The following CD163L1 variants were observed in gnomAD, a reference collection of about 807,000 sequenced individuals.
CD163L1 encodes scavenger receptor cysteine-rich type 1 protein M160.
CD163L1 carries 124 observed loss-of-function variants against 165.4 expected under a neutral mutation model. The ratio of observed to expected loss-of-function variants is 0.75; its 90% confidence interval spans 0.65 to 0.87. The LOEUF (loss-of-function observed/expected upper bound fraction) is 0.87, where lower values mean the gene tolerates loss of function less well. Among genes scored for constraint, CD163L1 ranks in the 40% least tolerant of loss-of-function variants. The pLI is 0.00. For missense variants in CD163L1, 1,525 were observed against 1,799.9 expected (o/e 0.85, Z 2.76); for synonymous variants, 585 against 662.2 (o/e 0.88, Z 1.79).
chr12:7,325,627 A>G, the CD163L1 span, among the ~76,000 whole-genome samples: 1 of 152,210 alleles, frequency 6.6e-6, no homozygotes, highest in Non-Finnish European at 1.5e-5. Context: ...AGCCTGGACA[A>G]CAGAGACAGA....
chr12:7,329,148 A>C, the CD163L1 span, among the ~76,000 whole-genome samples: 1 of 148,702 alleles, frequency 6.7e-6, no homozygotes, highest in Non-Finnish European at 1.5e-5. Context: ...ATACATATAC[A>C]TATATATACA....
downstream of CD163L1, among the ~76,000 whole-genome samples, chr12:7,343,926 A>C (rs2136357975): frequency 6.6e-6 from 1 of 152,298 alleles, no homozygotes; most frequent in East Asian, 1.9e-4. Context: ...CTACATATGA[A>C]CCTATGAAAT....
chr12:7,327,140 G>A, the CD163L1 span: 1 of 1,543,234 alleles, frequency 6.5e-7, no homozygotes, highest in Non-Finnish European at 8.7e-7. Flanking sequence ...TACCAAACTA[G>A]GGTCTAAGCT....
the CD163L1 span, chr12:7,322,577 G>A: frequency 3.8e-6 from 6 of 1,574,340 alleles, no homozygotes; most frequent in Non-Finnish European, 5.2e-6. Flanking sequence ...AGTATATGTG[G>A]GGGCCTTTCT....
Position 7,375,834 on chromosome 12 carries a change from C to G in CD163L1, c.2552G>C (p.Gly851Ala). 1 of 1,614,220 alleles carries G rather than the reference C, an allele frequency of 6.2e-7. No individual in the cohort carries two copies. Among genetic ancestry groups the G allele is most frequent in the Non-Finnish European group, 8.5e-7 (1 of 1,180,042 alleles). Reference sequence around the variant, plus strand: ...GGCCCAAGTTAGACCATTCCCTTTTCCAAAGTGATCTCCCACAGAAAGAGA... The same window carrying G: ...GGCCCAAGTTAGACCATTCCCTTTTGCAAAGTGATCTCCCACAGAAAGAGA... ...AISLSVGDHF[G>A]KGNGLTWAEK... Residue 851 changes from glycine to alanine, a missense_variant, in exon 10 of 20, where the codon GGA becomes GCA. By Grantham distance (60) the Gly-to-Ala change is moderately conservative. Coordinates refer to ENST00000313599, the MANE Select transcript of CD163L1 (RefSeq NM_174941.6).
the CD163L1 span, chr12:7,320,645 A>G: frequency 3.5e-5 from 42 of 1,207,972 alleles, no homozygotes; most frequent in Non-Finnish European, 4.6e-5. Flanking sequence ...ATGGAAGAAA[A>G]TAACAGGGTG....
intron 4 of CD163L1, among the ~76,000 whole-genome samples, chr12:7,418,683 C>T (rs2136571070): frequency 6.6e-6 from 1 of 151,830 alleles, no homozygotes; most frequent in South Asian, 2.1e-4. Context: ...CAAATAGAAA[C>T]AAAATAAGAA....
Position 7,400,106 on chromosome 12 carries a change from C to A in CD163L1, c.1409-1522G>T, listed in dbSNP as rs999935996. On this transcript the variant is annotated intron_variant, in intron 6 of 19. Coordinates refer to ENST00000313599, the MANE Select transcript of CD163L1 (RefSeq NM_174941.6). The surrounding 1 kb of genome is among the most constrained non-coding windows in gnomAD (Gnocchi z 4.1). Reference sequence around the variant, plus strand: ...TAACATTTAATGATTGCATAGGATACCATCATATAGAGATATAGAGATTCT... The same window carrying A: ...TAACATTTAATGATTGCATAGGATAACATCATATAGAGATATAGAGATTCT... Among the ~76,000 whole-genome samples, 1 of 152,028 alleles carries A rather than the reference C, an allele frequency of 6.6e-6. No homozygotes were observed. The highest frequency in any genetic ancestry group is 2.4e-5 in the African/African-American group (1 of 41,392).
At chr12:7,344,126 G>A (rs1390352553), downstream of CD163L1, among the ~76,000 whole-genome samples, 2 of 151,540 alleles carry the variant, frequency 1.3e-5, no homozygotes, top group African/African-American at 2.4e-5. Context: ...CTGTCACTTG[G>A]GCTGTAGTGC....
chr12:7,442,194 G>A (rs2136658018), intron 1 of CD163L1, among the ~76,000 whole-genome samples: 1 of 152,288 alleles, frequency 6.6e-6, no homozygotes, highest in South Asian at 2.1e-4. Context: ...AGCTGTAACT[G>A]TTAGAGAACT....
intron 19 of CD163L1, among the ~76,000 whole-genome samples, chr12:7,356,011 C>A (rs1300104728): frequency 6.6e-6 from 1 of 152,102 alleles, no homozygotes; most frequent in African/African-American, 2.4e-5. Context: ...GAGGGAAAAT[C>A]TTTTCTAATA....
chr12:7,322,162 T>C, the CD163L1 span, among the ~76,000 whole-genome samples: 2 of 152,186 alleles, frequency 1.3e-5, no homozygotes, highest in Non-Finnish European at 2.9e-5. Flanking sequence ...CCTTTTTACA[T>C]CTTTAATAGC....
the CD163L1 span, among the ~76,000 whole-genome samples, chr12:7,333,355 C>T: frequency 6.6e-6 from 1 of 152,012 alleles, no homozygotes; most frequent in Non-Finnish European, 1.5e-5. Context: ...ACCACTCAAC[C>T]ACATGGAAAC....
chr12:7,432,437 C>T lies in CD163L1; in HGVS notation c.745G>A (p.Asp249Asn), dbSNP rs765577195. 6.2e-7 allele frequency: 1 copy of T among 1,613,004 alleles called. No individual in the cohort carries two copies. ...WGNHDCSHNE[D>N]VTLTCYDSSD... ...TTACCATAACAAGTTAATGTGACATCCTCATTGTGACTGCAGTCATGATTT... is the reference window on the plus strand; with the variant it reads ...TTACCATAACAAGTTAATGTGACATTCTCATTGTGACTGCAGTCATGATTT... The change falls in exon 4 of 20, where the codon GAT (aspartate) becomes AAT (asparagine). Residue 249 changes from aspartate (D) to asparagine (N), a missense_variant. By Grantham distance (23) the Asp-to-Asn change is conservative (BLOSUM62 1). Transcript: ENST00000313599. The surrounding 1 kb of genome is among the most constrained non-coding windows in gnomAD (Gnocchi z 4.2).
At chr12:7,393,676 T>C (rs973364958) in intron 8 of CD163L1, among the ~76,000 whole-genome samples, 2 of 152,140 alleles carry the variant, frequency 1.3e-5, no homozygotes, top group Admixed American at 6.5e-5. Context: ...GAAAACCCCA[T>C]TGTCTCAGCC....
chr12:7,322,430 G>T, the CD163L1 span: 2 of 1,613,746 alleles, frequency 1.2e-6, no homozygotes, highest in Middle Eastern at 1.7e-4. Context: ...ATAAATTCAA[G>T]AGTCTGCGGC....
chr12:7,372,787 G>A lies in CD163L1; in HGVS notation c.3730+533C>T, dbSNP rs575987970. ...GTTATTTTTGATAATCAGATTAAACGTGGAATGCATTTTATTATTTATAAT... is the reference window on the plus strand; with the variant it reads ...GTTATTTTTGATAATCAGATTAAACATGGAATGCATTTTATTATTTATAAT... On this transcript the variant is annotated intron_variant, in intron 14 of 19. Transcript: ENST00000313599. This position sits in a 1 kb window ranked among gnomAD's most constrained non-coding sequence, Gnocchi z 4.2. 2.6e-4 allele frequency among the ~76,000 whole-genome samples: 39 copies of A among 151,744 alleles called. 1 individual carries two copies. The highest frequency in any genetic ancestry group is 4.1e-4 in the Non-Finnish European group (28 of 67,888).
rs113384469 is a variant in CD163L1 at position 7,367,177 on chromosome 12, C to T, written c.4279+59G>A. The T allele has an allele frequency of 1.9e-4, 184 of 980,228 alleles. No individual in the cohort carries two copies. In the East Asian group the frequency reaches 4.2e-3, roughly 22 times the overall value. The allele number at this position is 980,228 out of a possible 1,614,324, so 60.7% of individuals were successfully genotyped here. Reference sequence around the variant, plus strand: ...TCGAGTGGGAGTTCCTAAATATCAGCGGTATTTCCTCATATTCCCACCCTC... The same window carrying T: ...TCGAGTGGGAGTTCCTAAATATCAGTGGTATTTCCTCATATTCCCACCCTC... On this transcript the variant is annotated intron_variant, in intron 18 of 19. Coordinates refer to ENST00000313599, the MANE Select transcript of CD163L1 (RefSeq NM_174941.6).
chr12:7,351,151 A>T (rs1299221358), downstream of CD163L1, among the ~76,000 whole-genome samples: 3 of 152,172 alleles, frequency 2.0e-5, no homozygotes, highest in African/African-American at 7.2e-5. Flanking sequence ...ATGGATATAT[A>T]GATGGATAGA....
Sources: allele counts gnomAD v4.1 joint callset (sites outside exome capture counted in the v4.1 genomes callset), GRCh38; gene constraint gnomAD v4.1.1; non-coding constraint Gnocchi (gnomAD v3.1); transcripts MANE v1.5; gene names NCBI Gene and HGNC (gene_info 2026-07-23, HGNC 2026-07-21).